The following CPQ variants were observed in gnomAD, a reference collection of about 807,000 sequenced individuals.
The protein encoded by CPQ is Ser-Met dipeptidase.
CPQ carries 37 observed loss-of-function variants against 45.7 expected under a neutral mutation model. That is an observed-to-expected ratio of 0.81 (90% CI 0.62 to 1.07). CPQ has a LOEUF of 1.07. Among genes scored for constraint, CPQ ranks in the 50% least tolerant of loss-of-function variants. The probability of loss-of-function intolerance (pLI) is 0.00; values close to 1 mark genes in which losing one functional copy is unlikely to be tolerated. For synonymous variants in CPQ, 186 were observed against 205.8 expected (o/e 0.90, Z 0.82); for missense variants, 537 against 572.9 (o/e 0.94, Z 0.64).
chr8:96,748,958 A>C (rs940488036), intron 1 of CPQ, among the ~76,000 whole-genome samples: 1 of 152,100 alleles, frequency 6.6e-6, no homozygotes, highest in Non-Finnish European at 1.5e-5. Context: ...ACCAATTGCA[A>C]AGCCTTTTCT....
intron 3 of CPQ, among the ~76,000 whole-genome samples, chr8:96,878,647 AACAAT>A (rs1812179873): frequency 6.6e-6 from 1 of 152,186 alleles, no homozygotes; most frequent in South Asian, 2.1e-4. Context: ...ATATGGCTAC[AACAAT>A]ACAGTCACAC....
chr8:96,741,230 C>A (rs1810086587), intron 1 of CPQ, among the ~76,000 whole-genome samples: 1 of 152,292 alleles, frequency 6.6e-6, no homozygotes, highest in Non-Finnish European at 1.5e-5. Context: ...GGAATTTATA[C>A]ATTTCTTCTA....
At chr8:97,114,868 C>T (rs1191951293) in intron 7 of CPQ, among the ~76,000 whole-genome samples, 2 of 152,208 alleles carry the variant, frequency 1.3e-5, no homozygotes, top group Non-Finnish European at 2.9e-5. Flanking sequence ...GGACTCTTCT[C>T]CTCCCTCCTG....
intron 5 of CPQ, among the ~76,000 whole-genome samples, chr8:96,969,233 C>T (rs1235565398): frequency 1.3e-5 from 2 of 152,192 alleles, no homozygotes; most frequent in Non-Finnish European, 2.9e-5. Flanking sequence ...TGTTGAGCCT[C>T]CTGACTGTGA....
chr8:96,705,660 G>A (rs1055998977), intron 1 of CPQ, among the ~76,000 whole-genome samples: 3 of 152,072 alleles, frequency 2.0e-5, no homozygotes, highest in African/African-American at 7.2e-5. Flanking sequence ...CATCACTTTG[G>A]AGGTTGGCCT....
At chr8:97,058,539 T>A (rs1370091324) in intron 6 of CPQ, among the ~76,000 whole-genome samples, 1 of 152,186 alleles carries the variant, frequency 6.6e-6, no homozygotes, top group Non-Finnish European at 1.5e-5. Context: ...AATTTAGTTG[T>A]TACCTTTTGA....
intron 6 of CPQ, among the ~76,000 whole-genome samples, chr8:97,052,420 C>T (rs563602340): frequency 1.3e-5 from 2 of 152,132 alleles, no homozygotes; most frequent in African/African-American, 4.8e-5. Flanking sequence ...CTAAGTAGTC[C>T]CAGGACACAT....
At chr8:96,748,108 T>A (rs1810213310) in intron 1 of CPQ, among the ~76,000 whole-genome samples, 1 of 152,246 alleles carries the variant, frequency 6.6e-6, no homozygotes, top group Non-Finnish European at 1.5e-5. Context: ...CCCCAGCTTA[T>A]TATCAGCATT....
intron 4 of CPQ, among the ~76,000 whole-genome samples, chr8:96,924,364 G>A (rs991638650): frequency 2.6e-5 from 4 of 152,198 alleles, no homozygotes. Context: ...CTGAGTATAT[G>A]TATAGCTTCC....
intron 4 of CPQ, among the ~76,000 whole-genome samples, chr8:96,964,173 T>TACACACACACACACACACAC (rs71267285): frequency 8.2e-5 from 11 of 133,462 alleles, no homozygotes; most frequent in African/African-American, 3.1e-4. Flanking sequence ...GGTTAAAGTA[T>TACACACACACACACACACAC]ACACACACAC....
At chr8:96,720,028 T>G (rs1809741657) in intron 1 of CPQ, among the ~76,000 whole-genome samples, 2 of 152,228 alleles carry the variant, frequency 1.3e-5, no homozygotes, top group African/African-American at 4.8e-5. Context: ...TATTGCTTCT[T>G]GGAGAAAAGT....
intron 2 of CPQ, among the ~76,000 whole-genome samples, chr8:96,792,086 C>G (rs1810853150): frequency 1.3e-5 from 2 of 152,252 alleles, no homozygotes; most frequent in South Asian, 4.2e-4. Context: ...GCACTCTTCT[C>G]AACTTCAGTA....
In CPQ at chr8:97,031,408, G is replaced by A. The variant is rs375739971; in HGVS notation, c.1053+1914G>A. Reference sequence around the variant, plus strand: ...TCACCGTGTTAGCCAGGACAGTCTCGATCTCCTGACCTTGTGATCTGCCCG... The same window carrying A: ...TCACCGTGTTAGCCAGGACAGTCTCAATCTCCTGACCTTGTGATCTGCCCG... On this transcript the variant is annotated intron_variant, in intron 6 of 7. Transcript: ENST00000220763. Among the ~76,000 whole-genome samples the A allele has an allele frequency of 3.9e-5, 6 of 152,008 alleles. No homozygotes were observed. In the East Asian group the frequency reaches 5.8e-4, roughly 15 times the overall value.
intron 1 of CPQ, among the ~76,000 whole-genome samples, chr8:96,745,982 G>C (rs1208091988): frequency 1.3e-5 from 2 of 152,160 alleles, no homozygotes; most frequent in Admixed American, 1.3e-4. Flanking sequence ...TTGAAACTGT[G>C]CCAGAGCTTA....
intron 4 of CPQ, among the ~76,000 whole-genome samples, chr8:96,893,397 C>T (rs562886550): frequency 1.4e-4 from 21 of 152,284 alleles, no homozygotes; most frequent in African/African-American, 4.3e-4. Flanking sequence ...GGTCCTTGCC[C>T]GTGGCTGGTG....
chr8:97,096,403 G>A (rs1811211079), intron 7 of CPQ, among the ~76,000 whole-genome samples: 1 of 152,150 alleles, frequency 6.6e-6, no homozygotes, highest in Non-Finnish European at 1.5e-5. Flanking sequence ...ATTGAATTAG[G>A]TCTTTGAATA....
At chr8:96,972,770 C>T (rs1813700985) in intron 5 of CPQ, among the ~76,000 whole-genome samples, 1 of 152,128 alleles carries the variant, frequency 6.6e-6, no homozygotes, top group African/African-American at 2.4e-5. Flanking sequence ...GGTGGCTAGA[C>T]CCAGAAGAGC....
At chr8:96,710,594 A>T (rs1809593849) in intron 1 of CPQ, among the ~76,000 whole-genome samples, 1 of 152,112 alleles carries the variant, frequency 6.6e-6, no homozygotes, top group South Asian at 2.1e-4. Flanking sequence ...TTTTGATTTC[A>T]TTGCTACCGC....
intron 1 of CPQ, among the ~76,000 whole-genome samples, chr8:96,678,285 G>T (rs1398818779): frequency 6.6e-6 from 1 of 151,618 alleles, no homozygotes; most frequent in East Asian, 2.0e-4. Context: ...TCACAATATT[G>T]GTTCCACCTA....
Sources: gnomAD v4.1 joint callset for allele counts (sites outside exome capture counted in the v4.1 genomes callset) on GRCh38, gnomAD v4.1.1 for gene constraint, MANE v1.5 for transcripts, NCBI Gene and HGNC (gene_info 2026-07-23, HGNC 2026-07-21) for gene names.